KIF2C: variants seen among roughly 807,000 people sequenced by gnomAD.
KIF2C encodes the protein kinesin family member 2C, also known as kinesin-like protein KIF2C.
KIF2C carries 34 observed loss-of-function variants against 97.4 expected under a neutral mutation model. The observed-to-expected ratio is 0.35, with a 90% CI of 0.27 to 0.46. The LOEUF is 0.46. Among genes scored for constraint, KIF2C ranks in the 20% least tolerant of loss-of-function variants. The pLI is 1.00. For synonymous variants in KIF2C, 313 were observed against 318.2 expected (o/e 0.98, Z 0.17); for missense variants, 750 against 907.6 (o/e 0.83, Z 2.23).
chr1:44,745,803 C>A (rs1649164765), intron 2 of KIF2C, among the ~76,000 whole-genome samples: 1 of 151,842 alleles, frequency 6.6e-6, no homozygotes. Flanking sequence ...GACTACCTTC[C>A]CCCTGTAGGC....
intron 17 of KIF2C, 27 bp from the exon 18 acceptor site, chr1:44,762,319 G>C (rs1274043875): frequency 6.3e-7 from 1 of 1,580,034 alleles, no homozygotes; most frequent in African/African-American, 1.3e-5. Flanking sequence ...GGGTGCTGTG[G>C]GATCTGAGAC....
In KIF2C at chr1:44,766,741, C is replaced by A; in HGVS notation, c.1972-85C>A. The A allele has an allele frequency of 2.7e-6, 4 of 1,457,220 alleles. No homozygotes were observed. The South Asian group carries it at 3.8e-5, about 14-fold the overall frequency. The allele number at this position is 1,457,220 out of a possible 1,614,324, so 90.3% of individuals were successfully genotyped here. On this transcript the variant is annotated intron_variant, in intron 19 of 20. Transcript: ENST00000372224. ...GGGACCAGAGGTAAAGCATCTTACT[C>A]AGGTGTCTGCATTGCAGTTGGTAGG...
chr1:44,751,187 A>ATTAT (rs72000438), intron 5 of KIF2C, among the ~76,000 whole-genome samples: 158 of 150,628 alleles, frequency 1.0e-3, no homozygotes, highest in African/African-American at 1.4e-3. Context: ...TCTGTATTTT[A>ATTAT]TTATTTATTT....
chr1:44,744,937 C>G (rs1252292330), intron 2 of KIF2C, among the ~76,000 whole-genome samples: 1 of 151,712 alleles, frequency 6.6e-6, no homozygotes, highest in Non-Finnish European at 1.5e-5. Flanking sequence ...TGCCTGTAAT[C>G]CCAGCACTTT....
At chr1:44,754,452 G>T (rs1404123292) in intron 7 of KIF2C, among the ~76,000 whole-genome samples, 1 of 152,160 alleles carries the variant, frequency 6.6e-6, no homozygotes, top group Non-Finnish European at 1.5e-5. Flanking sequence ...GGAGGGCAGG[G>T]ACTGCAGTAC....
intron 2 of KIF2C, chr1:44,746,515 C>T (rs908592257): frequency 3.9e-6 from 5 of 1,288,326 alleles, no homozygotes; most frequent in Non-Finnish European, 3.9e-6. Flanking sequence ...CTAAAGGGCC[C>T]CCATTTGACT....
At chr1:44,753,862 GT>G in intron 7 of KIF2C, 29 bp downstream of exon 7, 4 of 1,427,676 alleles carry the variant, frequency 2.8e-6, no homozygotes, top group South Asian at 1.2e-5. Flanking sequence ...TAGGGTAAGG[GT>G]TTTTGGACAG....
At chr1:44,765,958 A>G (rs1055487918) in intron 19 of KIF2C, among the ~76,000 whole-genome samples, 1 of 152,234 alleles carries the variant, frequency 6.6e-6, no homozygotes, top group African/African-American at 2.4e-5. Flanking sequence ...AGGCTGAGGC[A>G]GGAGAATCAC....
chr1:44,759,152 G>A lies in KIF2C; in HGVS notation c.1225-54G>A, dbSNP rs1308718648. ...GCAGGCTAGTAGGAGGAAGCAGTCG[G>A]GTGGGGTGCCGGGTGCCCAGTGGCC... On this transcript the variant is annotated intron_variant, in intron 13 of 20. Coordinates refer to ENST00000372224, the MANE Select transcript of KIF2C (RefSeq NM_006845.4). 6.2e-6 allele frequency: 10 copies of A among 1,609,296 alleles called. No individual in the cohort carries two copies. In the Admixed American group the frequency reaches 1.7e-4, roughly 27 times the overall value.
At position 44,760,264 on chromosome 1, in the gene KIF2C, C is replaced by T. The variant is rs1029988939; in HGVS notation, c.1368-16C>T. 1.9e-6 allele frequency: 3 copies of T among 1,612,762 alleles called. No homozygotes were observed. Among genetic ancestry groups the T allele is most frequent in the Admixed American group, 1.7e-5 (1 of 60,000 alleles). On this transcript the variant is annotated splice_polypyrimidine_tract_variant and intron_variant, in intron 14 of 20. Coordinates refer to ENST00000372224, the MANE Select transcript of KIF2C (RefSeq NM_006845.4). This position sits in a 1 kb window ranked among gnomAD's most constrained non-coding sequence, Gnocchi z 4.2. ...GGCTGGTGACCACAGAATCTCATAA[C>T]CTTTCTTTACCACAGAACCTCTGGG...
rs1212086110 is a variant in KIF2C, at chr1:44,766,840, G to T, written c.1986G>T (p.Trp662Cys). 6.2e-7 allele frequency: 1 copy of T among 1,614,098 alleles called. No individual in the cohort carries two copies. Among genetic ancestry groups the T allele is most frequent in the Non-Finnish European group, 8.5e-7 (1 of 1,180,042 alleles). ...CTGTGTTGTAGCAAGGACCAGACTG[G>T]CTTGAGCTCTCTGAGATGACCGAGC... is the stretch of plus-strand genomic sequence containing the variant. Reference protein sequence around the residue: ...LKEIIQQGPDWLELSEMTEQP... With the variant: ...LKEIIQQGPDCLELSEMTEQP... Residue 662 changes from tryptophan (W) to cysteine (C), a missense_variant, in exon 20 of 21, where the codon TGG becomes TGT. Transcript: ENST00000372224.
intron 4 of KIF2C, 80 bp downstream of exon 4, chr1:44,747,780 C>T: frequency 5.3e-6 from 7 of 1,315,928 alleles, no homozygotes; most frequent in Non-Finnish European, 7.5e-6. Flanking sequence ...TGTGGAAGCT[C>T]CTCTTTTGCA....
At position 44,739,945 on chromosome 1, in the gene KIF2C, T is replaced by A. The variant is rs1246974862; in HGVS notation, c.13T>A (p.Ser5Thr). The change falls in exon 1 of 21, where the codon TCG becomes ACG. Residue 5 changes from serine (S) to threonine (T), a missense_variant. Coordinates refer to ENST00000372224, the MANE Select transcript of KIF2C (RefSeq NM_006845.4). ...GCTGACTCTCCGAATGGCCATGGAC[T>A]CGTCGCTTCAGGCCCGCCTGTTTCC... MAMD[S>T]SLQARLFPGL... 6.2e-7 allele frequency: 1 copy of A among 1,614,096 alleles called. No homozygotes were observed. Among genetic ancestry groups the A allele is most frequent in the Non-Finnish European group, 8.5e-7 (1 of 1,180,032 alleles).
chr1:44,742,137 T>C (rs1648965745), intron 2 of KIF2C, among the ~76,000 whole-genome samples: 1 of 151,568 alleles, frequency 6.6e-6, no homozygotes, highest in East Asian at 2.0e-4. Context: ...TGAGACAGAG[T>C]CTCACTCTGT....
At chr1:44,741,029 C>G (rs149444880) in intron 2 of KIF2C, 22 bp downstream of exon 2, 1 of 1,551,378 alleles carries the variant, frequency 6.4e-7, no homozygotes, top group African/African-American at 1.4e-5. Flanking sequence ...GAGAATTCCT[C>G]TACCACATTT....
At chr1:44,755,563 C>T (rs779505559) in intron 8 of KIF2C, among the ~76,000 whole-genome samples, 9 of 152,218 alleles carry the variant, frequency 5.9e-5, no homozygotes, top group Admixed American at 2.6e-4. Context: ...CATGCCCAGC[C>T]GAGGTTATTT....
chr1:44,752,868 G>A (rs996213031), intron 5 of KIF2C, among the ~76,000 whole-genome samples: 4 of 152,256 alleles, frequency 2.6e-5, no homozygotes, highest in East Asian at 3.9e-4. Context: ...AAGAGTTCAC[G>A]CTCTCAGAGG....
At chr1:44,742,310 T>G (rs888058990) in intron 2 of KIF2C, among the ~76,000 whole-genome samples, 4 of 151,802 alleles carry the variant, frequency 2.6e-5, no homozygotes, top group Non-Finnish European at 4.4e-5. Context: ...GGGGTTTCAC[T>G]GTGTTAGCCG....
chr1:44,767,181 G>T lies in KIF2C; in HGVS notation c.*2G>T. The T allele has an allele frequency of 3.1e-6, 5 of 1,613,630 alleles. No homozygotes were observed. In the South Asian group the frequency reaches 4.4e-5, roughly 14 times the overall value. ...AGCAGCAAGAAACGGCCCCAGTGAC[G>T]ACTGCAAATAAAAATCTGTTTGGTT... On this transcript the variant is annotated 3_prime_UTR_variant, in exon 21 of 21. Transcript: ENST00000372224.
Sources: allele counts gnomAD v4.1 joint callset (sites outside exome capture counted in the v4.1 genomes callset), GRCh38; gene constraint gnomAD v4.1.1; non-coding constraint Gnocchi (gnomAD v3.1); transcripts MANE v1.5; gene names NCBI Gene and HGNC (gene_info 2026-07-23, HGNC 2026-07-21).